Variants in IMMP2L observed in about 807,000 individuals in gnomAD.
IMMP2L encodes the protein mitochondrial inner membrane protease subunit 2.
Under a neutral mutation model 19.3 loss-of-function variants are expected in IMMP2L, and 18 were observed. The observed-to-expected ratio is 0.93, with a 90% CI of 0.64 to 1.38. IMMP2L has a LOEUF of 1.38. Among genes scored for constraint, IMMP2L ranks in the 40% most tolerant of loss-of-function variants. IMMP2L has a pLI of 0.00. For missense variants in IMMP2L, 233 were observed against 218.2 expected (o/e 1.07, Z -0.43); for synonymous variants, 76 against 73.0 (o/e 1.04, Z -0.21).
chr7:111,016,689 A>G (rs1205418248), intron 3 of IMMP2L, among the ~76,000 whole-genome samples: 6 of 103,924 alleles, frequency 5.8e-5, no homozygotes, highest in African/African-American at 2.4e-4. Context: ...TATAAATTAT[A>G]TTTCTATATT....
intron 4 of IMMP2L, chr7:110,962,592 C>G (rs537676761): frequency 2.7e-4 from 86 of 323,252 alleles, no homozygotes; most frequent in African/African-American, 1.9e-3. Flanking sequence ...GAGTGAAAAA[C>G]GGCAAGTAAC....
At chr7:111,005,265 T>C (rs1311040434) in intron 3 of IMMP2L, among the ~76,000 whole-genome samples, 1 of 152,158 alleles carries the variant, frequency 6.6e-6, no homozygotes, top group East Asian at 1.9e-4. Context: ...CAGGAAGAAT[T>C]GTTTCATCCT....
chr7:111,092,865 C>G (rs1797009475), intron 3 of IMMP2L, among the ~76,000 whole-genome samples: 1 of 152,198 alleles, frequency 6.6e-6, no homozygotes, highest in Admixed American at 6.5e-5. Flanking sequence ...GAGCTCTCTC[C>G]TGCCTTCTTT....
intron 3 of IMMP2L, among the ~76,000 whole-genome samples, chr7:111,239,327 C>T (rs947482849): frequency 1.3e-5 from 2 of 151,872 alleles, no homozygotes; most frequent in African/African-American, 2.4e-5. Context: ...ATTCCATCTC[C>T]TAGGCCCTAA....
intron 3 of IMMP2L, among the ~76,000 whole-genome samples, chr7:111,334,295 C>A (rs1056715004): frequency 2.6e-5 from 4 of 151,958 alleles, no homozygotes; most frequent in African/African-American, 9.7e-5. Context: ...TTAGCTCCCA[C>A]ATGAATGTGA....
At chr7:110,862,210 T>A (rs1414224170) in intron 5 of IMMP2L, among the ~76,000 whole-genome samples, 1 of 151,782 alleles carries the variant, frequency 6.6e-6, no homozygotes, top group Non-Finnish European at 1.5e-5. Context: ...ACTTTTAAAG[T>A]CAATTTTTTT....
At chr7:111,475,460 G>A (rs1304821798) in intron 3 of IMMP2L, among the ~76,000 whole-genome samples, 2 of 151,878 alleles carry the variant, frequency 1.3e-5, no homozygotes, top group Non-Finnish European at 2.9e-5. Flanking sequence ...ACTGACCTTG[G>A]ATCAAATAAG....
intron 5 of IMMP2L, among the ~76,000 whole-genome samples, chr7:110,853,324 GA>G (rs914104985): frequency 1.1e-4 from 16 of 150,448 alleles, no homozygotes; most frequent in African/African-American, 2.4e-4. Context: ...AGTTTTATCA[GA>G]AAAAAAAACC....
rs773090608 is a variant in IMMP2L at position 110,717,571 on chromosome 7, T to C, written c.409-53850A>G. 5.3e-5 allele frequency among the ~76,000 whole-genome samples: 8 copies of C among 152,226 alleles called. No homozygotes were observed. The South Asian group carries it at 8.3e-4, about 16-fold the overall frequency. On this transcript the variant is annotated intron_variant, in intron 5 of 5. Transcript: ENST00000405709. ...TGTATATATCCATAGCACCTATTAC[T>C]CTACTTGGAACACAGTACATGGCCA...
At chr7:110,932,515 G>A (rs1815610173) in intron 4 of IMMP2L, among the ~76,000 whole-genome samples, 2 of 151,956 alleles carry the variant, frequency 1.3e-5, no homozygotes, top group African/African-American at 4.8e-5. Context: ...TACCATGCCA[G>A]GTGATTTTTT....
intron 3 of IMMP2L, among the ~76,000 whole-genome samples, chr7:111,178,297 C>G (rs1376528234): frequency 6.6e-6 from 1 of 152,040 alleles, no homozygotes; most frequent in Non-Finnish European, 1.5e-5. Context: ...TTTAAAAATA[C>G]TCTGTTGCTA....
chr7:111,412,091 A>C (rs903978427), intron 3 of IMMP2L, among the ~76,000 whole-genome samples: 1 of 151,928 alleles, frequency 6.6e-6, no homozygotes. Flanking sequence ...TGCAGGAGTA[A>C]GCTATAAAAT....
intron 5 of IMMP2L, among the ~76,000 whole-genome samples, chr7:110,776,732 G>A (rs921573062): frequency 1.3e-5 from 2 of 151,974 alleles, no homozygotes; most frequent in Non-Finnish European, 2.9e-5. Context: ...TTTCTAGAAA[G>A]TACCAATATT....
chr7:110,800,646 A>G (rs1265440719), intron 5 of IMMP2L, among the ~76,000 whole-genome samples: 1 of 152,068 alleles, frequency 6.6e-6, no homozygotes, highest in Non-Finnish European at 1.5e-5. Context: ...TTTCCTTATA[A>G]CAAATTTTCC....
At chr7:111,090,346 A>C (rs187073776) in intron 3 of IMMP2L, among the ~76,000 whole-genome samples, 1 of 152,130 alleles carries the variant, frequency 6.6e-6, no homozygotes, top group South Asian at 2.1e-4. Context: ...AACTTATTAC[A>C]ATCGAAATAT....
chr7:111,156,760 CTT>C, intron 3 of IMMP2L, among the ~76,000 whole-genome samples: 1 of 151,824 alleles, frequency 6.6e-6, no homozygotes, highest in East Asian at 1.9e-4. Flanking sequence ...ATACAACTGA[CTT>C]TGTGTGCAGA....
chr7:110,950,223 T>C (rs1400442145), intron 4 of IMMP2L, among the ~76,000 whole-genome samples: 1 of 152,104 alleles, frequency 6.6e-6, no homozygotes, highest in Non-Finnish European at 1.5e-5. Context: ...GAGACTGACT[T>C]TTCCCCATTG....
chr7:111,350,181 T>C (rs1019367028), intron 3 of IMMP2L, among the ~76,000 whole-genome samples: 3 of 151,940 alleles, frequency 2.0e-5, no homozygotes, highest in Admixed American at 2.0e-4. Context: ...TTGGCCAGGC[T>C]GGTCTCGAAA....
At chr7:111,241,257 A>G (rs968363403) in intron 3 of IMMP2L, among the ~76,000 whole-genome samples, 1 of 152,128 alleles carries the variant, frequency 6.6e-6, no homozygotes, top group South Asian at 2.1e-4. Context: ...TTTGAGGAAT[A>G]TATAATATAA....
Sources: allele counts gnomAD v4.1 joint callset (sites outside exome capture counted in the v4.1 genomes callset), GRCh38; gene constraint gnomAD v4.1.1; transcripts MANE v1.5; gene names NCBI Gene and HGNC (gene_info 2026-07-23, HGNC 2026-07-21).